PPA1: variants seen among roughly 807,000 people sequenced by gnomAD.
PPA1 encodes the protein inorganic pyrophosphatase.
Under a neutral mutation model 41.8 loss-of-function variants are expected in PPA1, and 23 were observed. The ratio of observed to expected loss-of-function variants is 0.55; its 90% CI spans 0.40 to 0.78. The LOEUF is 0.78. PPA1 is among the 30% of genes least tolerant of loss of function. The probability of loss-of-function intolerance (pLI) is 0.00; values close to 1 mark genes in which losing one functional copy is unlikely to be tolerated. For missense variants in PPA1, 320 were observed against 361.6 expected (o/e 0.89, Z 0.93); for synonymous variants, 101 against 116.8 (o/e 0.86, Z 0.87).
intron 6 of PPA1, among the ~76,000 whole-genome samples, chr10:70,210,925 C>T (rs771514155): frequency 6.6e-6 from 1 of 152,058 alleles, no homozygotes; most frequent in Non-Finnish European, 1.5e-5. Flanking sequence ...ACCACCATGC[C>T]TGGCTAATTT....
chr10:70,207,184 C>T (rs1455340985), intron 8 of PPA1, among the ~76,000 whole-genome samples: 7 of 151,904 alleles, frequency 4.6e-5, no homozygotes, highest in East Asian at 1.9e-4. Flanking sequence ...AATACTGAAA[C>T]GGTAATTTAC....
chr10:70,222,676 CT>C (rs764258594), intron 2 of PPA1, among the ~76,000 whole-genome samples: 6 of 151,306 alleles, frequency 4.0e-5, no homozygotes, highest in Admixed American at 2.0e-4. Flanking sequence ...GTTTAGCACA[CT>C]TTTTTTTTAT....
chr10:70,228,773 G>A (rs1219313471), intron 2 of PPA1, among the ~76,000 whole-genome samples: 4 of 152,194 alleles, frequency 2.6e-5, no homozygotes, highest in Non-Finnish European at 5.9e-5. Context: ...AGGCTCCTGG[G>A]AAGCAATGTA....
chr10:70,211,653 G>A (rs1208677838), intron 6 of PPA1, among the ~76,000 whole-genome samples: 2 of 152,156 alleles, frequency 1.3e-5, no homozygotes, highest in East Asian at 3.8e-4. Flanking sequence ...CTTGCGCCAT[G>A]GGACCAGCCA....
At chr10:70,232,857 C>CG (rs892311657) in intron 1 of PPA1, among the ~76,000 whole-genome samples, 4 of 150,350 alleles carry the variant, frequency 2.7e-5, no homozygotes, top group African/African-American at 1.0e-4. Flanking sequence ...AGTCACTGCC[C>CG]CCCCCGGCCC....
intron 1 of PPA1, among the ~76,000 whole-genome samples, chr10:70,231,102 T>G (rs144721904): frequency 0.012 from 1,877 of 152,324 alleles, 33 homozygotes; most frequent in African/African-American, 0.042. Context: ...ATGACTTTCT[T>G]TAAGGATAAT....
chr10:70,218,691 C>G, intron 3 of PPA1, 73 bp downstream of exon 3: 1 of 1,217,568 alleles, frequency 8.2e-7, no homozygotes, highest in Admixed American at 1.8e-5. Flanking sequence ...GATGGTTCAT[C>G]CTTGATCAAG....
intron 4 of PPA1, 122 bp downstream of exon 4, chr10:70,217,690 T>C (rs900912481): frequency 2.4e-6 from 2 of 818,726 alleles, no homozygotes; most frequent in Non-Finnish European, 3.5e-6. Context: ...TCCCTTCTTA[T>C]GTTTTCAAAA....
intron 2 of PPA1, among the ~76,000 whole-genome samples, chr10:70,221,052 TATAA>T (rs1840156413): frequency 3.6e-5 from 2 of 55,122 alleles, no homozygotes; most frequent in Non-Finnish European, 5.4e-5. Context: ...TATATATATA[TATAA>T]TTTATATATA....
chr10:70,233,143 G>C, intron 1 of PPA1, 121 bp downstream of exon 1: 1 of 1,153,780 alleles, frequency 8.7e-7, no homozygotes, highest in Non-Finnish European at 1.2e-6. Flanking sequence ...CAACGCGCCC[G>C]AGGAGACGGG....
chr10:70,227,650 C>CAAAAAAAAAAAAAAAAAAAAAAAA, intron 2 of PPA1, among the ~76,000 whole-genome samples: 1 of 75,138 alleles, frequency 1.3e-5, no homozygotes, highest in Non-Finnish European at 2.4e-5. Flanking sequence ...AACCCTATCT[C>CAAAAAAAAAAAAAAAAAAAAAAAA]AAAAAAAAAA....
At chr10:70,212,801 T>C (rs1372290575) in intron 6 of PPA1, among the ~76,000 whole-genome samples, 1 of 150,932 alleles carries the variant, frequency 6.6e-6, no homozygotes, top group Non-Finnish European at 1.5e-5. Context: ...TGGTGAATTT[T>C]ATGTTATGTA....
At chr10:70,206,907 C>T (rs111391803) in intron 8 of PPA1, among the ~76,000 whole-genome samples, 6 of 53,212 alleles carry the variant, frequency 1.1e-4, no homozygotes, top group Admixed American at 5.6e-4. Context: ...GAGGAGAGGA[C>T]GAAAGAAACT....
intron 1 of PPA1, among the ~76,000 whole-genome samples, chr10:70,232,204 A>G (rs1840295971): frequency 6.6e-6 from 1 of 152,142 alleles, no homozygotes; most frequent in African/African-American, 2.4e-5. Context: ...TTCAATGCCT[A>G]TTCATTCGTC....
At position 70,228,193 on chromosome 10, in the gene PPA1, T is replaced by C. The variant is rs114883481; in HGVS notation, c.123+2148A>G. Among the ~76,000 whole-genome samples, 720 of 152,312 alleles carry C rather than the reference T, an allele frequency of 4.7e-3. 7 individuals carry two copies. Among genetic ancestry groups the C allele is most frequent in the African/African-American group, 0.017 (690 of 41,566 alleles). On this transcript the variant is annotated intron_variant, in intron 2 of 10. Transcript: ENST00000373232. ...GTCTTCCTTTGAGTAATCCACTTTA[T>C]AGACACAACCAGTCCCTTATAAGGC... is the stretch of plus-strand genomic sequence containing the variant.
intron 6 of PPA1, among the ~76,000 whole-genome samples, chr10:70,212,066 A>C (rs1442454309): frequency 6.6e-6 from 1 of 152,128 alleles, no homozygotes; most frequent in African/African-American, 2.4e-5. Flanking sequence ...CTCTGCTCTA[A>C]AGTCATCCTC....
At chr10:70,211,283 C>T (rs1840016878) in intron 6 of PPA1, among the ~76,000 whole-genome samples, 1 of 152,128 alleles carries the variant, frequency 6.6e-6, no homozygotes, top group Admixed American at 6.5e-5. Flanking sequence ...ATAACAGAAA[C>T]TAATTCTCCA....
In PPA1 at chr10:70,209,994, G is replaced by T. The variant is rs556075871; in HGVS notation, c.512-309C>A. 1.7e-5 allele frequency: 6 copies of T among 343,182 alleles called. No individual in the cohort carries two copies. In the East Asian group the frequency reaches 4.9e-4, roughly 28 times the overall value. The allele number at this position is 343,182 out of a possible 1,614,324, so 21.3% of individuals were successfully genotyped here. A position where few individuals can be genotyped will look rare whatever the true frequency, so the allele number is the denominator to read the frequency against. On this transcript the variant is annotated intron_variant, in intron 6 of 10. Transcript: ENST00000373232. ...AATCTCTGTTAGGTAAGGGCAAACA[G>T]CTGGTGGCTACATAATGAAACAACC... is the stretch of plus-strand genomic sequence containing the variant.
intron 4 of PPA1, among the ~76,000 whole-genome samples, chr10:70,216,359 C>T (rs188561075): frequency 6.8e-4 from 103 of 151,944 alleles, no homozygotes; most frequent in Non-Finnish European, 1.2e-3. Context: ...TGGTGGTAGG[C>T]GCCTGTAATC....
Sources: gnomAD v4.1 joint callset for allele counts (sites outside exome capture counted in the v4.1 genomes callset) on GRCh38, gnomAD v4.1.1 for gene constraint, MANE v1.5 for transcripts, NCBI Gene and HGNC (gene_info 2026-07-23, HGNC 2026-07-21) for gene names.